The following TMOD3 variants were observed in gnomAD, a reference collection of about 807,000 sequenced individuals.
TMOD3 encodes the protein tropomodulin-3.
Under a neutral mutation model 39.2 loss-of-function variants are expected in TMOD3, and 20 were observed. That is an observed-to-expected ratio of 0.51 (90% CI 0.36 to 0.74). TMOD3 has a LOEUF of 0.74. TMOD3 is among the 30% of genes least tolerant of loss of function. TMOD3 has a pLI of 0.00. For missense variants in TMOD3, 381 were observed against 412.8 expected (o/e 0.92, Z 0.67); for synonymous variants, 143 against 145.8 (o/e 0.98, Z 0.14).
rs112354155 is a variant in TMOD3, at chr15:51,850,102, T to G, written c.-74-12709T>G. Among the ~76,000 whole-genome samples, 7 of 152,246 alleles carry G rather than the reference T, an allele frequency of 4.6e-5. 1 individual carries two copies. Among genetic ancestry groups the G allele is most frequent in the African/African-American group, 1.4e-4 (6 of 41,558 alleles). On this transcript the variant is annotated intron_variant, in intron 1 of 9. Transcript: ENST00000308580. ...GGTTACCAAATATAGACAATTCTTT[T>G]AAGTTTGGCTGTAAAGTGGAGCCAA...
chr15:51,869,444 A>G, intron 3 of TMOD3, 71 bp downstream of exon 3: 3 of 1,463,692 alleles, frequency 2.0e-6, no homozygotes, highest in Non-Finnish European at 2.8e-6. Context: ...GGTGTGGAGA[A>G]AATCATATTT....
intron 5 of TMOD3, 140 bp downstream of exon 5, chr15:51,889,285 C>A: frequency 1.7e-6 from 1 of 591,754 alleles, no homozygotes; most frequent in Non-Finnish European, 3.0e-6. Flanking sequence ...GTGGTATTAA[C>A]CAAGAAAGCC....
intron 5 of TMOD3, among the ~76,000 whole-genome samples, chr15:51,891,459 A>C (rs1245157016): frequency 2.0e-5 from 3 of 152,124 alleles, no homozygotes; most frequent in Admixed American, 2.0e-4. Context: ...TGGTGACTGA[A>C]TCATATTAAG....
chr15:51,860,006 A>G (rs2056408954), intron 1 of TMOD3: 1 of 541,986 alleles, frequency 1.8e-6, no homozygotes, highest in African/African-American at 1.9e-5. Flanking sequence ...ACACTTCCAC[A>G]TGGCCTCCCT....
intron 1 of TMOD3, among the ~76,000 whole-genome samples, chr15:51,830,915 C>A (rs901755873): frequency 8.5e-5 from 13 of 152,146 alleles, no homozygotes; most frequent in African/African-American, 3.1e-4. Context: ...CCCTTTCTTA[C>A]ACATTCCTAC....
intron 6 of TMOD3, among the ~76,000 whole-genome samples, chr15:51,894,886 T>G (rs2056613138): frequency 6.6e-6 from 1 of 152,172 alleles, no homozygotes; most frequent in Admixed American, 6.5e-5. Flanking sequence ...AGTAAACACC[T>G]AGGAATAGGC....
chr15:51,902,093 G>A (rs1595912824), intron 9 of TMOD3, 57 bp downstream of exon 9: 1 of 1,579,904 alleles, frequency 6.3e-7, no homozygotes, highest in Non-Finnish European at 8.6e-7. Context: ...CGTATTGGGG[G>A]AACTTCTTTC....
chr15:51,882,056 G>C lies in TMOD3; in HGVS notation c.284-5533G>C, dbSNP rs2056537724. Among the ~76,000 whole-genome samples, 3 of 151,448 alleles carry C rather than the reference G, an allele frequency of 2.0e-5. 1 individual carries two copies. In the South Asian group the frequency reaches 6.3e-4, roughly 32 times the overall value. ...ATTACAGGCATGTGCCACCACACCT[G>C]GCTAATTTTTGTATTTTTAGTAGAG... On this transcript the variant is annotated intron_variant, in intron 3 of 9. Transcript: ENST00000308580.
Position 51,886,451 on chromosome 15 carries a change from G to C in TMOD3, c.284-1138G>C, listed in dbSNP as rs544672882. Among the ~76,000 whole-genome samples, 14 of 152,374 alleles carry C rather than the reference G, an allele frequency of 9.2e-5. No homozygotes were observed. The South Asian group carries it at 2.5e-3, about 27-fold the overall frequency. ...AGGCCGAGGCGGGCAGATCACTCAC[G>C]GCCAGGAGCTGGAGACCAGCCTGGC... On this transcript the variant is annotated intron_variant, in intron 3 of 9. Transcript: ENST00000308580.
intron 1 of TMOD3, among the ~76,000 whole-genome samples, chr15:51,842,178 A>G (rs1004044385): frequency 1.3e-5 from 2 of 152,092 alleles, no homozygotes; most frequent in Non-Finnish European, 2.9e-5. Flanking sequence ...ATCATGAGGC[A>G]TTTCTGCTTC....
chr15:51,863,564 A>T (rs1425750308), intron 2 of TMOD3, among the ~76,000 whole-genome samples: 1 of 152,178 alleles, frequency 6.6e-6, no homozygotes, highest in African/African-American at 2.4e-5. Context: ...TGCAAGGTGG[A>T]TGTTGTTTGT....
chr15:51,830,761 G>T (rs2056250906), intron 1 of TMOD3, among the ~76,000 whole-genome samples: 1 of 151,956 alleles, frequency 6.6e-6, no homozygotes, highest in Non-Finnish European at 1.5e-5. Context: ...TAATTTTTTT[G>T]GCAGATTAAA....
At chr15:51,871,500 G>GA (rs940914404) in intron 3 of TMOD3, among the ~76,000 whole-genome samples, 52 of 152,182 alleles carry the variant, frequency 3.4e-4, no homozygotes, top group African/African-American at 1.2e-3. Flanking sequence ...AGAGATGTCA[G>GA]AAAAAAACTA....
At chr15:51,887,796 G>C (rs1566864139) in intron 4 of TMOD3, 85 bp downstream of exon 4, 1 of 1,540,024 alleles carries the variant, frequency 6.5e-7, no homozygotes, top group Non-Finnish European at 8.8e-7. Flanking sequence ...TTATACAAAC[G>C]TTTGCTTTAC....
intron 1 of TMOD3, among the ~76,000 whole-genome samples, chr15:51,854,665 T>A (rs1421080818): frequency 6.6e-6 from 1 of 152,178 alleles, no homozygotes; most frequent in African/African-American, 2.4e-5. Context: ...TAGATCCCTT[T>A]TAAAGGAAAA....
Position 51,900,239 on chromosome 15 carries a change from G to T in TMOD3, c.820G>T (p.Ala274Ser), listed in dbSNP as rs778724165. 107 of 1,614,082 alleles carry T rather than the reference G, an allele frequency of 6.6e-5. 1 individual carries two copies. In the Middle Eastern group the frequency reaches 8.2e-4, roughly 12 times the overall value. Residue 274 changes from alanine (A) to serine (S), a missense_variant, in exon 8 of 10, where the codon GCA becomes TCA. Transcript: ENST00000308580. Reference sequence around the variant, plus strand: ...CTTTATCACGGGAGTTGGGATTCTGGCACTGATTGATGCGTTAAGAGATAA... The same window carrying T: ...CTTTATCACGGGAGTTGGGATTCTGTCACTGATTGATGCGTTAAGAGATAA... ...SNFITGVGIL[A>S]LIDALRDNET...
In TMOD3 at chr15:51,902,002, A is replaced by C; in HGVS notation, c.990A>C (p.Arg330Ser). Residue 330 changes from arginine (R) to serine (S), a missense_variant, in exon 9 of 10, where the codon AGA becomes AGC. Transcript: ENST00000308580. ...TTACACAGCAGGGACCACGAACCAG[A>C]GCAGCTAATGCTATAACAAAAAACA... is the stretch of plus-strand genomic sequence containing the variant. ...YQFTQQGPRT[R>S]AANAITKNND... The C allele has an allele frequency of 6.2e-7, 1 of 1,614,182 alleles. No individual in the cohort carries two copies.
At chr15:51,902,079 C>A (rs1595912809) in intron 9 of TMOD3, 43 bp downstream of exon 9, 2 of 1,602,980 alleles carry the variant, frequency 1.2e-6, no homozygotes, top group African/African-American at 2.7e-5. Context: ...CTATCACAAG[C>A]TAACGTATTG....
At chr15:51,837,550 T>G (rs574886219) in intron 1 of TMOD3, among the ~76,000 whole-genome samples, 2 of 152,090 alleles carry the variant, frequency 1.3e-5, no homozygotes, top group African/African-American at 4.8e-5. Flanking sequence ...CACCCCACTT[T>G]TGTTTTTCTC....
Sources: gnomAD v4.1 joint callset for allele counts (sites outside exome capture counted in the v4.1 genomes callset) on GRCh38, gnomAD v4.1.1 for gene constraint, MANE v1.5 for transcripts, NCBI Gene and HGNC (gene_info 2026-07-23, HGNC 2026-07-21) for gene names.